CCDC171: variants seen among roughly 807,000 people sequenced by gnomAD.
The protein encoded by CCDC171 is coiled-coil domain containing 171.
CCDC171 carries 177 observed loss-of-function variants against 168.2 expected under a neutral mutation model. The ratio of observed to expected loss-of-function variants is 1.05; its 90% confidence interval spans 0.93 to 1.19. The LOEUF (loss-of-function observed/expected upper bound fraction) is 1.19. Among genes scored for constraint, CCDC171 ranks in the 50% most tolerant of loss-of-function variants. CCDC171 has a pLI of 0.00. For missense variants in CCDC171, 1,991 were observed against 1,539.0 expected, an observed-to-expected ratio of 1.29 and a Z score of -4.91; for synonymous variants, 687 against 540.8, an observed-to-expected ratio of 1.27 and a Z score of -3.75.
chr9:15,559,722 C>T (rs770575678), intron 1 of CCDC171, among the ~76,000 whole-genome samples: 4 of 152,074 alleles, frequency 2.6e-5, no homozygotes, highest in Non-Finnish European at 4.4e-5. Flanking sequence ...AGCATTTAGC[C>T]CATTTACATT....
At chr9:15,995,686 A>G (rs1489999220) in intron 3 of CCDC171, among the ~76,000 whole-genome samples, 2 of 152,224 alleles carry the variant, frequency 1.3e-5, no homozygotes, top group African/African-American at 4.8e-5. Context: ...TCATCAATGA[A>G]TTTATTTGTT....
intron 11 of CCDC171, among the ~76,000 whole-genome samples, chr9:15,696,289 T>C (rs764053425): frequency 5.9e-5 from 9 of 152,214 alleles, no homozygotes; most frequent in Non-Finnish European, 1.3e-4. Flanking sequence ...TTTTGCCTTG[T>C]GGATCTGTAG....
At chr9:16,097,726 G>A in the CCDC171 span, among the ~76,000 whole-genome samples, 1 of 152,168 alleles carries the variant, frequency 6.6e-6, no homozygotes, top group African/African-American at 2.4e-5. Flanking sequence ...ACTGCCCTGG[G>A]TTTAAGGTGC....
chr9:15,760,306 A>G (rs2056373977), intron 18 of CCDC171, among the ~76,000 whole-genome samples: 3 of 152,174 alleles, frequency 2.0e-5, no homozygotes, highest in South Asian at 4.1e-4. Flanking sequence ...AAGGTAAAAA[A>G]CATTCAGTCT....
chr9:15,573,123 G>A (rs1488218414), intron 3 of CCDC171, among the ~76,000 whole-genome samples: 1 of 152,166 alleles, frequency 6.6e-6, no homozygotes, highest in Non-Finnish European at 1.5e-5. Context: ...TCGTGCCACT[G>A]CACTCCAGCC....
At chr9:15,694,514 G>A (rs2051064471) in intron 10 of CCDC171, among the ~76,000 whole-genome samples, 1 of 152,148 alleles carries the variant, frequency 6.6e-6, no homozygotes, top group African/African-American at 2.4e-5. Flanking sequence ...AACAAAAATA[G>A]CCAAAACGAG....
chr9:15,675,188 T>TTG (rs1491125617), intron 9 of CCDC171, among the ~76,000 whole-genome samples: 3 of 5,788 alleles, frequency 5.2e-4, no homozygotes, highest in Non-Finnish European at 1.3e-3. Context: ...GCAACTCCTG[T>TTG]TTTTTTTTTT....
chr9:15,801,671 A>G (rs2058827970), intron 21 of CCDC171, among the ~76,000 whole-genome samples: 1 of 152,086 alleles, frequency 6.6e-6, no homozygotes, highest in African/African-American at 2.4e-5. Flanking sequence ...CAGTGGTGAA[A>G]GTAGGCATCC....
At chr9:16,042,848 A>G (rs1833595152) in exon 1 of CCDC171, 1 of 152,186 alleles carries the variant, frequency 6.6e-6, no homozygotes, top group Non-Finnish European at 1.5e-5. Context: ...CGCACACCAG[A>G]TAAACTGAAT....
At chr9:15,799,461 T>G (rs1222605348) in intron 21 of CCDC171, among the ~76,000 whole-genome samples, 1 of 151,848 alleles carries the variant, frequency 6.6e-6, no homozygotes, top group Non-Finnish European at 1.5e-5. Context: ...TTTACAAATT[T>G]TAATTTTTAA....
At position 15,777,737 on chromosome 9, in the gene CCDC171, G is replaced by C; in HGVS notation, c.2809G>C (p.Asp937His). The C allele has an allele frequency of 6.2e-7, 1 of 1,614,002 alleles. No individual in the cohort carries two copies. Among genetic ancestry groups the C allele is most frequent in the Non-Finnish European group, 8.5e-7 (1 of 1,180,002 alleles). The change falls in exon 19 of 26, where the codon GAT becomes CAT. Residue 937 changes from aspartate (D) to histidine (H), a missense_variant. Transcript: ENST00000380701. The stretch of plus-strand genomic sequence containing the variant: ...CAGGAGTATTACATATGTAGAAAAA[G>C]ATTCCCTGGTTCAGAGGCTGGCCCA... ...SSRSITYVEKDSLVQRLAHGL... is the reference protein window; with the variant it reads ...SSRSITYVEKHSLVQRLAHGL...
At chr9:15,995,570 T>C (rs1464148585) in intron 3 of CCDC171, among the ~76,000 whole-genome samples, 1 of 152,222 alleles carries the variant, frequency 6.6e-6, no homozygotes, top group Non-Finnish European at 1.5e-5. Context: ...TGTCATCAGC[T>C]GTCATCAGTG....
intron 3 of CCDC171, among the ~76,000 whole-genome samples, chr9:16,011,155 C>T (rs1037617870): frequency 4.6e-5 from 7 of 152,060 alleles, no homozygotes; most frequent in African/African-American, 1.2e-4. Flanking sequence ...TCTCCTGGCA[C>T]GTGTATGTTG....
the CCDC171 span, among the ~76,000 whole-genome samples, chr9:16,095,869 C>CACATATATAT: frequency 1.1e-4 from 14 of 123,846 alleles, no homozygotes; most frequent in Non-Finnish European, 1.7e-4. Flanking sequence ...CACATAGGCA[C>CACATATATAT]ATATATATAT....
chr9:16,061,424 A>G (rs140586447), downstream of CCDC171: 1 of 152,278 alleles, frequency 6.6e-6, no homozygotes, highest in East Asian at 1.9e-4. Context: ...GATCCCATTC[A>G]GTTCTAATAG....
intron 10 of CCDC171, among the ~76,000 whole-genome samples, chr9:15,692,558 C>A (rs545974428): frequency 5.6e-4 from 84 of 149,294 alleles, no homozygotes; most frequent in African/African-American, 1.9e-3. Flanking sequence ...GACAGAGTCT[C>A]ACTCTTTTTC....
rs1263292780 is a variant in CCDC171 at position 15,820,605 on chromosome 9, C to T, written c.3268-26097C>T. Among the ~76,000 whole-genome samples the T allele has an allele frequency of 1.7e-5, 2 of 117,368 alleles. 1 individual carries two copies. Among genetic ancestry groups the T allele is most frequent in the African/African-American group, 6.4e-5 (2 of 31,196 alleles). The allele number at this position is 117,368 out of a possible 152,430, so 77.0% of individuals were successfully genotyped here. ...AAATCTAGAAGAAATGGATAAATTC[C>T]TCGACACATACACCCTCCTAAGACT... On this transcript the variant is annotated intron_variant, in intron 21 of 25. Coordinates refer to ENST00000380701, the MANE Select transcript of CCDC171 (RefSeq NM_173550.4).
intron 7 of CCDC171, among the ~76,000 whole-genome samples, chr9:15,633,091 G>C (rs201295874): frequency 2.2e-4 from 33 of 152,194 alleles, no homozygotes; most frequent in Non-Finnish European, 3.4e-4. Flanking sequence ...CTAGGCATTA[G>C]CATTCAGGAC....
At chr9:15,559,671 C>T (rs2039111346) in intron 1 of CCDC171, among the ~76,000 whole-genome samples, 1 of 152,118 alleles carries the variant, frequency 6.6e-6, no homozygotes, top group Non-Finnish European at 1.5e-5. Context: ...ACTGATGGGT[C>T]TTGACTGTAT....
Sources: gnomAD v4.1 joint callset for allele counts (sites outside exome capture counted in the v4.1 genomes callset) on GRCh38, gnomAD v4.1.1 for gene constraint, MANE v1.5 for transcripts, NCBI Gene and HGNC (gene_info 2026-07-23, HGNC 2026-07-21) for gene names.